SND1: variants seen among roughly 807,000 people sequenced by gnomAD.
SND1 encodes staphylococcal nuclease and tudor domain containing 1.
SND1 carries 38 observed loss-of-function variants against 121.7 expected under a neutral mutation model. That is an observed-to-expected ratio of 0.31 (90% CI 0.24 to 0.41). The LOEUF is 0.41. SND1 is among the 10% of genes least tolerant of loss of function. SND1 has a pLI of 1.00. For synonymous variants in SND1, 401 were observed against 447.4 expected (o/e 0.90, Z 1.31); for missense variants, 868 against 1,184.6 (o/e 0.73, Z 3.92).
intron 16 of SND1, among the ~76,000 whole-genome samples, chr7:128,010,090 T>C (rs931339828): frequency 6.6e-6 from 1 of 152,228 alleles, no homozygotes; most frequent in Non-Finnish European, 1.5e-5. Context: ...TTCCCAGAAC[T>C]TGCCAAGATT....
At chr7:127,793,255 G>T (rs954799586) in intron 10 of SND1, among the ~76,000 whole-genome samples, 2 of 152,230 alleles carry the variant, frequency 1.3e-5, no homozygotes, top group Non-Finnish European at 2.9e-5. Flanking sequence ...AACTGTCATA[G>T]GTTCTGGGGC....
At chr7:127,769,715 T>A (rs994799657) in intron 10 of SND1, among the ~76,000 whole-genome samples, 3 of 152,186 alleles carry the variant, frequency 2.0e-5, no homozygotes, top group African/African-American at 7.2e-5. Flanking sequence ...TGTATATATA[T>A]AAATGCATAT....
intron 10 of SND1, among the ~76,000 whole-genome samples, chr7:127,776,134 G>T (rs573563464): frequency 2.0e-5 from 3 of 152,120 alleles, no homozygotes; most frequent in African/African-American, 7.2e-5. Context: ...ACATGTGACT[G>T]TTCAAAAAAG....
At chr7:127,777,335 T>C (rs1428106156) in intron 10 of SND1, among the ~76,000 whole-genome samples, 1 of 152,230 alleles carries the variant, frequency 6.6e-6, no homozygotes, top group Non-Finnish European at 1.5e-5. Flanking sequence ...ATGCAAAATA[T>C]TGTCTTGGAG....
chr7:128,019,941 G>A (rs1280233551), intron 16 of SND1, among the ~76,000 whole-genome samples: 2 of 152,216 alleles, frequency 1.3e-5, no homozygotes, highest in African/African-American at 2.4e-5. Flanking sequence ...CAGGGAGGTA[G>A]AGCGGGACTC....
chr7:127,708,954 A>C (rs1029101196), intron 9 of SND1, among the ~76,000 whole-genome samples: 1 of 152,180 alleles, frequency 6.6e-6, no homozygotes, highest in Admixed American at 6.5e-5. Flanking sequence ...CTTTTAAGCA[A>C]CCTCTGAGGA....
At chr7:127,885,237 A>G (rs961408823) in intron 12 of SND1, among the ~76,000 whole-genome samples, 1 of 152,180 alleles carries the variant, frequency 6.6e-6, no homozygotes, top group Admixed American at 6.5e-5. Context: ...AATAATTGCC[A>G]TATATTGTGA....
chr7:127,716,988 C>T (rs972269352), intron 9 of SND1, among the ~76,000 whole-genome samples: 1 of 152,066 alleles, frequency 6.6e-6, no homozygotes, highest in Non-Finnish European at 1.5e-5. Context: ...AACCAGTGTG[C>T]TGATAAGAAA....
At chr7:127,784,112 A>G (rs186733710) in intron 10 of SND1, among the ~76,000 whole-genome samples, 66 of 152,300 alleles carry the variant, frequency 4.3e-4, no homozygotes, top group East Asian at 2.3e-3. Flanking sequence ...AAACTTCTGG[A>G]TATTATCTCA....
intron 8 of SND1, among the ~76,000 whole-genome samples, chr7:127,706,963 A>C (rs1320997446): frequency 3.3e-5 from 5 of 152,150 alleles, no homozygotes; most frequent in Non-Finnish European, 5.9e-5. Context: ...GATTTTTTTT[A>C]ATCTTTGCAC....
chr7:127,935,371 A>G (rs1457182686), intron 15 of SND1, among the ~76,000 whole-genome samples: 3 of 152,220 alleles, frequency 2.0e-5, no homozygotes, highest in African/African-American at 7.2e-5. Context: ...CAGTACACCT[A>G]TTGTTTTCAT....
At chr7:127,958,297 C>T (rs1801647835) in intron 15 of SND1, among the ~76,000 whole-genome samples, 1 of 152,204 alleles carries the variant, frequency 6.6e-6, no homozygotes, top group Non-Finnish European at 1.5e-5. Context: ...AATGCTGTTA[C>T]GTGCTTCATA....
intron 10 of SND1, among the ~76,000 whole-genome samples, chr7:127,781,066 G>A (rs1272137924): frequency 6.6e-6 from 1 of 152,146 alleles, no homozygotes; most frequent in African/African-American, 2.4e-5. Context: ...AGATATATGG[G>A]AACATATTTC....
chr7:127,967,521 T>C (rs1358883048), intron 15 of SND1, among the ~76,000 whole-genome samples: 1 of 152,200 alleles, frequency 6.6e-6, no homozygotes, highest in Admixed American at 6.5e-5. Flanking sequence ...TGTTGTCTGT[T>C]CTTCATGCTT....
chr7:127,980,659 A>G (rs1198834078), intron 15 of SND1, among the ~76,000 whole-genome samples: 2 of 152,218 alleles, frequency 1.3e-5, no homozygotes, highest in Non-Finnish European at 2.9e-5. Flanking sequence ...AAAAAAGGCA[A>G]TAGTTTAGAA....
chr7:128,035,311 T>C (rs1792728450), intron 16 of SND1, among the ~76,000 whole-genome samples: 1 of 152,238 alleles, frequency 6.6e-6, no homozygotes, highest in Admixed American at 6.5e-5. Context: ...TGAAGGTTGA[T>C]CCTTTGGAAT....
At chr7:127,981,396 T>C (rs1239258132) in intron 15 of SND1, among the ~76,000 whole-genome samples, 1 of 152,184 alleles carries the variant, frequency 6.6e-6, no homozygotes, top group African/African-American at 2.4e-5. Flanking sequence ...AACATGGGCA[T>C]TGGGAAGCGG....
chr7:127,984,513 C>T (rs953192501), intron 15 of SND1, among the ~76,000 whole-genome samples: 2 of 152,218 alleles, frequency 1.3e-5, no homozygotes, highest in Admixed American at 1.3e-4. Flanking sequence ...TGCGCCCTGA[C>T]AGTTCATCAA....
At chr7:127,937,436 G>A (rs115600789) in intron 15 of SND1, among the ~76,000 whole-genome samples, 11 of 148,186 alleles carry the variant, frequency 7.4e-5, no homozygotes, top group African/African-American at 1.3e-4. Flanking sequence ...CTCTCTTTCC[G>A]TCTCCCAACC....
Sources: allele counts gnomAD v4.1 joint callset (sites outside exome capture counted in the v4.1 genomes callset), GRCh38; gene constraint gnomAD v4.1.1; transcripts MANE v1.5; gene names NCBI Gene and HGNC (gene_info 2026-07-23, HGNC 2026-07-21).